TM2D1: variants seen among roughly 807,000 people sequenced by gnomAD.
TM2D1 encodes TM2 domain-containing protein 1.
In TM2D1, 15 loss-of-function variants were observed where a neutral mutation model predicts 28.4. That is an observed-to-expected ratio of 0.53 (90% confidence interval 0.35 to 0.81). The LOEUF (loss-of-function observed/expected upper bound fraction) is 0.81, where lower values mean the gene tolerates loss of function less well. Ranked by LOEUF, TM2D1 falls within the 40% of genes least tolerant of loss-of-function variation. The probability of loss-of-function intolerance (pLI) is 0.01; values close to 1 mark genes in which losing one functional copy is unlikely to be tolerated. For synonymous variants in TM2D1, 93 were observed against 96.2 expected, an observed-to-expected ratio of 0.97 and a Z score of 0.20; for missense variants, 236 against 254.9, an observed-to-expected ratio of 0.93 and a Z score of 0.50.
At chr1:61,721,901 T>C (rs551054915) in intron 2 of TM2D1, among the ~76,000 whole-genome samples, 2 of 138,280 alleles carry the variant, frequency 1.4e-5, no homozygotes, top group South Asian at 2.2e-4. Context: ...CTTGAGCCTA[T>C]GAGTTCAAGA....
chr1:61,683,004 G>C (rs897028310), intron 6 of TM2D1, among the ~76,000 whole-genome samples: 1 of 152,086 alleles, frequency 6.6e-6, no homozygotes, highest in Non-Finnish European at 1.5e-5. Flanking sequence ...TCAGGCTTTG[G>C]ACTCTTTCAG....
At chr1:61,687,029 GTTTA>G (rs766253123) in intron 5 of TM2D1, 8 of 955,008 alleles carry the variant, frequency 8.4e-6, no homozygotes, top group Non-Finnish European at 1.0e-5. Flanking sequence ...AAAATTATGA[GTTTA>G]TTTCTCTGCT....
At chr1:61,709,511 G>A (rs1017722861) in intron 2 of TM2D1, 74 bp from the exon 3 acceptor site, 2 of 1,051,382 alleles carry the variant, frequency 1.9e-6, no homozygotes, top group African/African-American at 1.6e-5. Context: ...TCTAAGACTA[G>A]CAAATATGTT....
At chr1:61,705,424 G>A (rs1029499636) in intron 3 of TM2D1, among the ~76,000 whole-genome samples, 2 of 152,034 alleles carry the variant, frequency 1.3e-5, no homozygotes, top group East Asian at 1.9e-4. Flanking sequence ...GACCTCAAGC[G>A]ATCTGCCCGC....
intron 2 of TM2D1, among the ~76,000 whole-genome samples, chr1:61,713,089 GA>G (rs1298845166): frequency 2.0e-5 from 3 of 151,562 alleles, no homozygotes; most frequent in African/African-American, 2.4e-5. Context: ...AGGATCGCTT[GA>G]ACCCAGGAGG....
At chr1:61,683,354 C>G (rs888761039) in intron 6 of TM2D1, 63 bp downstream of exon 6, 2 of 538,858 alleles carry the variant, frequency 3.7e-6, no homozygotes, top group Non-Finnish European at 5.8e-6. Context: ...TCCTAAAATT[C>G]TCATAATTTT....
At chr1:61,712,166 G>C (rs1644483530) in intron 2 of TM2D1, among the ~76,000 whole-genome samples, 1 of 151,992 alleles carries the variant, frequency 6.6e-6, no homozygotes, top group South Asian at 2.1e-4. Context: ...ACAGACCAGG[G>C]ATACTCATAA....
At chr1:61,689,570 A>G (rs2148035788) in intron 5 of TM2D1, among the ~76,000 whole-genome samples, 2 of 152,180 alleles carry the variant, frequency 1.3e-5, no homozygotes, top group South Asian at 4.2e-4. Flanking sequence ...AAGGAGTTTC[A>G]CTGTGTTGCC....
intron 5 of TM2D1, among the ~76,000 whole-genome samples, chr1:61,692,377 G>A (rs1238803876): frequency 6.6e-6 from 1 of 151,526 alleles, no homozygotes; most frequent in African/African-American, 2.4e-5. Flanking sequence ...ACGTTTATGG[G>A]ATCACAGTCC....
chr1:61,703,303 T>C (rs966206482), intron 3 of TM2D1, among the ~76,000 whole-genome samples: 9 of 147,356 alleles, frequency 6.1e-5, no homozygotes, highest in Non-Finnish European at 1.3e-4. Context: ...TAATATGTTT[T>C]ACATTAAATA....
chr1:61,702,166 G>A (rs1050116088), intron 3 of TM2D1, among the ~76,000 whole-genome samples: 27 of 151,620 alleles, frequency 1.8e-4, no homozygotes, highest in African/African-American at 6.5e-4. Flanking sequence ...CTCCAGCCTG[G>A]GTGACAGAGT....
intron 2 of TM2D1, among the ~76,000 whole-genome samples, chr1:61,716,273 C>T (rs1236629318): frequency 1.3e-5 from 2 of 150,556 alleles, no homozygotes; most frequent in Non-Finnish European, 2.9e-5. Flanking sequence ...AAGCTACGAT[C>T]CTGCCATTGC....
At chr1:61,684,625 T>A (rs1325642295) in intron 5 of TM2D1, among the ~76,000 whole-genome samples, 1 of 152,208 alleles carries the variant, frequency 6.6e-6, no homozygotes, top group East Asian at 1.9e-4. Context: ...CATCTTTTTG[T>A]TTAAAAATAA....
At chr1:61,692,180 A>G (rs17122675) in intron 5 of TM2D1, among the ~76,000 whole-genome samples, 5,674 of 151,656 alleles carry the variant, frequency 0.037, 309 homozygotes, top group African/African-American at 0.12. Context: ...ATTTTTAGGA[A>G]CAAAAGATAG....
rs1011991719 is a variant in TM2D1, at chr1:61,713,981, C to T, written c.239-4544G>A. Among the ~76,000 whole-genome samples the T allele has an allele frequency of 2.0e-5, 3 of 146,980 alleles. 1 individual carries two copies. Among genetic ancestry groups the T allele is most frequent in the South Asian group, 4.3e-4 (2 of 4,642 alleles). On this transcript the variant is annotated intron_variant, in intron 2 of 6. Transcript: ENST00000606498. ...CGCAATCTCGGCTCACTGCAAGCTC[C>T]GCTTCCCGGGTTCACGCCATTCTCC... is the stretch of plus-strand genomic sequence containing the variant.
At chr1:61,720,779 T>G (rs896602806) in intron 2 of TM2D1, among the ~76,000 whole-genome samples, 14 of 152,180 alleles carry the variant, frequency 9.2e-5, no homozygotes, top group Non-Finnish European at 1.8e-4. Flanking sequence ...TGAATGATAC[T>G]GAGCTAACCA....
At position 61,691,495 on chromosome 1, in the gene TM2D1, C is replaced by CAAA. The variant is rs1183951634; in HGVS notation, c.513+3199_513+3201dup. Among the ~76,000 whole-genome samples the CAAA allele has an allele frequency of 1.7e-3, 66 of 39,244 alleles. 3 individuals are homozygous for CAAA. Among genetic ancestry groups the CAAA allele is most frequent in the East Asian group, 3.9e-3 (5 of 1,272 alleles). 25.7% of individuals were successfully genotyped at this position (39,244 alleles called of 152,430 possible). A position where few individuals can be genotyped will look rare whatever the true frequency, so the allele number is the denominator to read the frequency against. On this transcript the variant is annotated intron_variant, in intron 5 of 6. Coordinates refer to ENST00000606498, the MANE Select transcript of TM2D1 (RefSeq NM_032027.3). ...GGACGACAAGAGCAAAACTCCATCT[C>CAAA]AAAAAAAAAAAAAAAAAAAAAGTCC...
intron 2 of TM2D1, among the ~76,000 whole-genome samples, chr1:61,713,488 CA>C (rs369601221): frequency 0.35 from 31,871 of 91,922 alleles, 4,022 homozygotes; most frequent in Middle Eastern, 0.53. Context: ...AACTCAAAAA[CA>C]AAAAAAAAAA....
intron 6 of TM2D1, 44 bp downstream of exon 6, chr1:61,683,373 A>ACC: frequency 1.6e-6 from 1 of 615,998 alleles, no homozygotes; most frequent in South Asian, 4.5e-5. Flanking sequence ...TTATATGAAT[A>ACC]ATATACCACT....
Sources: allele counts gnomAD v4.1 joint callset (sites outside exome capture counted in the v4.1 genomes callset), GRCh38; gene constraint gnomAD v4.1.1; transcripts MANE v1.5; gene names NCBI Gene and HGNC (gene_info 2026-07-23, HGNC 2026-07-21).